The following MON2 variants were observed in gnomAD, a reference collection of about 807,000 sequenced individuals.
MON2 encodes the protein MON2 regulator of endosome-to-Golgi trafficking, also known as protein MON2 homolog.
Under a neutral mutation model 208.6 loss-of-function variants are expected in MON2, and 84 were observed. That is an observed-to-expected ratio of 0.40 (90% CI 0.34 to 0.48). The LOEUF (loss-of-function observed/expected upper bound fraction) is 0.48, where lower values mean the gene tolerates loss of function less well. MON2 is among the 20% of genes least tolerant of loss of function. The pLI, the probability that MON2 is intolerant of heterozygous loss-of-function variation, is 0.59. For missense variants in MON2, 1,611 were observed against 2,015.4 expected, an observed-to-expected ratio of 0.80 and a Z score of 3.84; for synonymous variants, 660 against 694.0, an observed-to-expected ratio of 0.95 and a Z score of 0.77.
At chr12:62,585,065 G>A (rs909839507) in intron 32 of MON2, among the ~76,000 whole-genome samples, 1 of 98,800 alleles carries the variant, frequency 1.0e-5, no homozygotes, top group Non-Finnish European at 2.0e-5. Flanking sequence ...CTCTCTACAT[G>A]CACACACACA....
At position 62,479,431 on chromosome 12, in the gene MON2, TCCCC is replaced by T. The variant is rs71083999; in HGVS notation, c.112-4728_112-4725del. Among the ~76,000 whole-genome samples the T allele has an allele frequency of 6.1e-3, 720 of 117,184 alleles. 19 individuals carry two copies. The highest frequency in any genetic ancestry group is 0.02 in the African/African-American group (638 of 31,700). 76.9% of individuals were successfully genotyped at this position (117,184 alleles called of 152,430 possible). On this transcript the variant is annotated intron_variant, in intron 1 of 34. Coordinates refer to ENST00000393630, the MANE Select transcript of MON2 (RefSeq NM_015026.3). ...TAAAATGTGTGTGTGTGTGTGTATA[TCCCC>T]CCCCCCCCCCAAATATTTTTGATCT...
intron 25 of MON2, among the ~76,000 whole-genome samples, chr12:62,557,722 T>A (rs1393334143): frequency 6.6e-6 from 1 of 151,770 alleles, no homozygotes; most frequent in Non-Finnish European, 1.5e-5. Flanking sequence ...TTTTCTCCTT[T>A]TTTCCAAAAA....
intron 1 of MON2, among the ~76,000 whole-genome samples, chr12:62,468,184 C>T (rs1178446241): frequency 6.6e-6 from 1 of 151,178 alleles, no homozygotes. Flanking sequence ...AAAAAACCCA[C>T]CAAAAACAGG....
intron 2 of MON2, among the ~76,000 whole-genome samples, chr12:62,491,313 G>GT (rs2070125541): frequency 6.6e-6 from 1 of 152,146 alleles, no homozygotes. Flanking sequence ...TCCCAGTGCT[G>GT]TTTATGGCCC....
At chr12:62,531,926 C>T (rs535057992) in intron 11 of MON2, among the ~76,000 whole-genome samples, 25 of 152,142 alleles carry the variant, frequency 1.6e-4, no homozygotes, top group East Asian at 5.8e-4. Flanking sequence ...CCTGCCACCA[C>T]GCCTGGCTAA....
intron 19 of MON2, among the ~76,000 whole-genome samples, chr12:62,539,381 A>G (rs1478884183): frequency 6.6e-6 from 1 of 151,334 alleles, no homozygotes; most frequent in East Asian, 2.0e-4. Context: ...CTCCTGCCTC[A>G]GCCTCCCAAG....
chr12:62,502,168 C>T (rs2070870664), intron 7 of MON2, among the ~76,000 whole-genome samples: 1 of 152,012 alleles, frequency 6.6e-6, no homozygotes, highest in African/African-American at 2.4e-5. Context: ...TGCGGTGAGC[C>T]AAGATCGCCT....
intron 8 of MON2, among the ~76,000 whole-genome samples, chr12:62,520,449 CTG>C (rs1214620172): frequency 6.6e-6 from 1 of 151,952 alleles, no homozygotes; most frequent in Non-Finnish European, 1.5e-5. Context: ...TTTTGAGAAA[CTG>C]TTTGTACAGT....
Position 62,595,157 on chromosome 12 carries a change from T to C in MON2, c.*2408T>C, listed in dbSNP as rs1322113775. 3 of 151,866 alleles carry C rather than the reference T, an allele frequency of 2.0e-5. No homozygotes were observed. Among genetic ancestry groups the C allele is most frequent in the African/African-American group, 2.4e-5 (1 of 41,336 alleles). The allele number at this position is 151,866 out of a possible 1,614,324, so 9.4% of individuals were successfully genotyped here. On this transcript the variant is annotated 3_prime_UTR_variant, in exon 35 of 35. Coordinates refer to ENST00000393630, the MANE Select transcript of MON2 (RefSeq NM_015026.3). ...ATACTATGAGTTTTTTTTTTTTTTTTCATTTGAGACGGAGTCTCGCTCTGT... is the reference window on the plus strand; with the variant it reads ...ATACTATGAGTTTTTTTTTTTTTTTCCATTTGAGACGGAGTCTCGCTCTGT...
chr12:62,588,372 C>CTT (rs71086612), intron 34 of MON2, among the ~76,000 whole-genome samples: 96 of 147,108 alleles, frequency 6.5e-4, no homozygotes, highest in East Asian at 3.2e-3. Flanking sequence ...GTCTACCTTA[C>CTT]TTTTTTTTTT....
Position 62,546,885 on chromosome 12 carries a change from C to A in MON2, c.2578-12C>A. The A allele has an allele frequency of 6.3e-7, 1 of 1,576,520 alleles. No homozygotes were observed. On this transcript the variant is annotated splice_polypyrimidine_tract_variant and intron_variant, in intron 21 of 34. Coordinates refer to ENST00000393630, the MANE Select transcript of MON2 (RefSeq NM_015026.3). Reference sequence around the variant, plus strand: ...ACTTCTCTTCCTAATTAGTTTCTTGCCCCCTTTTCAGAGGCTGCAGTTGCT... The same window carrying A: ...ACTTCTCTTCCTAATTAGTTTCTTGACCCCTTTTCAGAGGCTGCAGTTGCT...
chr12:62,547,805 C>T (rs1345319755), intron 22 of MON2, among the ~76,000 whole-genome samples: 1 of 152,104 alleles, frequency 6.6e-6, no homozygotes, highest in Non-Finnish European at 1.5e-5. Context: ...TTACAGTATT[C>T]AGGACAGTAG....
At position 62,600,239 on chromosome 12, in the gene MON2, A is replaced by T. The variant is rs1287488551; in HGVS notation, c.*7490A>T. On this transcript the variant is annotated 3_prime_UTR_variant, in exon 35 of 35. Transcript: ENST00000393630. Reference sequence around the variant, plus strand: ...GGGAAGTAAAACACATTTGGCACACATCATTCAAGAATGGCCAGAAAATCC... The same window carrying T: ...GGGAAGTAAAACACATTTGGCACACTTCATTCAAGAATGGCCAGAAAATCC... The T allele has an allele frequency of 5.3e-5, 8 of 152,230 alleles. No individual in the cohort carries two copies. The highest frequency in any genetic ancestry group is 1.2e-4 in the Non-Finnish European group (8 of 68,046). 9.4% of individuals were successfully genotyped at this position (152,230 alleles called of 1,614,324 possible).
At chr12:62,574,793 T>C (rs549061174) in intron 30 of MON2, among the ~76,000 whole-genome samples, 47 of 152,254 alleles carry the variant, frequency 3.1e-4, no homozygotes, top group African/African-American at 1.1e-3. Context: ...CTGTTGATCG[T>C]GAGCTGGTCC....
chr12:62,474,315 A>G (rs1266735121), intron 1 of MON2, among the ~76,000 whole-genome samples: 3 of 151,108 alleles, frequency 2.0e-5, no homozygotes, highest in Admixed American at 1.3e-4. Context: ...GATGGGTTTC[A>G]CCATGTTGGC....
At chr12:62,478,723 T>C (rs545988206) in intron 1 of MON2, among the ~76,000 whole-genome samples, 1 of 152,340 alleles carries the variant, frequency 6.6e-6, no homozygotes, top group African/African-American at 2.4e-5. Flanking sequence ...ACTACTGTAC[T>C]AAATTTTGAG....
chr12:62,546,769 TA>T (rs1413912730), intron 21 of MON2, 127 bp from the exon 22 acceptor site: 2 of 705,770 alleles, frequency 2.8e-6, no homozygotes, highest in Non-Finnish European at 4.3e-6. Flanking sequence ...AAAAAATAAA[TA>T]AAACATAAAA....
At chr12:62,477,083 A>C (rs2069128377) in intron 1 of MON2, among the ~76,000 whole-genome samples, 1 of 152,070 alleles carries the variant, frequency 6.6e-6, no homozygotes, top group African/African-American at 2.4e-5. Context: ...CCAGGAATTC[A>C]ATGCTGCAGT....
intron 12 of MON2, among the ~76,000 whole-genome samples, chr12:62,532,902 T>C (rs1276258414): frequency 6.6e-6 from 1 of 152,196 alleles, no homozygotes; most frequent in East Asian, 1.9e-4. Context: ...CATCAGTGTG[T>C]ATTTTTTCAA....
Sources: gnomAD v4.1 joint callset for allele counts (sites outside exome capture counted in the v4.1 genomes callset) on GRCh38, gnomAD v4.1.1 for gene constraint, MANE v1.5 for transcripts, NCBI Gene and HGNC (gene_info 2026-07-23, HGNC 2026-07-21) for gene names.